Variants in RANBP2 observed in about 807,000 individuals in gnomAD.
The protein encoded by RANBP2 is E3 SUMO-protein ligase RanBP2.
RANBP2 carries 57 observed loss-of-function variants against 303.6 expected under a neutral mutation model. The observed-to-expected ratio is 0.19, with a 90% CI of 0.15 to 0.23. The LOEUF (loss-of-function observed/expected upper bound fraction) is 0.23, where lower values mean the gene tolerates loss of function less well. Ranked by LOEUF, RANBP2 falls within the 10% of genes least tolerant of loss-of-function variation. The pLI is 1.00. For missense variants in RANBP2, 3,138 were observed against 3,780.8 expected (o/e 0.83, Z 4.46); for synonymous variants, 1,167 against 1,301.5 (o/e 0.90, Z 2.23).
chr2:108,909,695 C>G, the RANBP2 span, among the ~76,000 whole-genome samples: 1 of 152,302 alleles, frequency 6.6e-6, no homozygotes, highest in South Asian at 2.1e-4. Context: ...GGACCAAGTC[C>G]AAATGACCAT....
the RANBP2 span, among the ~76,000 whole-genome samples, chr2:108,997,143 A>G: frequency 1.3e-5 from 2 of 152,296 alleles, no homozygotes; most frequent in East Asian, 1.9e-4. Flanking sequence ...GGTCTGAAGC[A>G]TAAGATGTCC....
the RANBP2 span, among the ~76,000 whole-genome samples, chr2:109,261,481 C>T: frequency 3.9e-5 from 6 of 152,110 alleles, no homozygotes; most frequent in African/African-American, 1.2e-4. Flanking sequence ...AGGTGTCAGA[C>T]GTGTGTGAAA....
the RANBP2 span, among the ~76,000 whole-genome samples, chr2:108,824,330 C>G: frequency 4.0e-5 from 6 of 151,862 alleles, no homozygotes. Flanking sequence ...TCTTTATATC[C>G]TGTAAGTTTT....
At chr2:108,817,450 G>A in the RANBP2 span, among the ~76,000 whole-genome samples, 2 of 151,976 alleles carry the variant, frequency 1.3e-5, no homozygotes, top group East Asian at 3.9e-4. Context: ...GTGCCACCAC[G>A]CCCAGCTAAT....
chr2:109,339,311 A>G, the RANBP2 span, among the ~76,000 whole-genome samples: 5 of 152,128 alleles, frequency 3.3e-5, no homozygotes, highest in Admixed American at 3.3e-4. Flanking sequence ...GAAAGTAATG[A>G]CATGAAAAAT....
chr2:108,843,615 A>G, the RANBP2 span, among the ~76,000 whole-genome samples: 1 of 152,054 alleles, frequency 6.6e-6, no homozygotes, highest in Non-Finnish European at 1.5e-5. Context: ...TCTGCCCTCC[A>G]TGGTTTCTGA....
chr2:109,163,230 T>G, the RANBP2 span, among the ~76,000 whole-genome samples: 1 of 152,220 alleles, frequency 6.6e-6, no homozygotes, highest in Middle Eastern at 3.4e-3. Flanking sequence ...CCAGAACTAT[T>G]TTTGGTGTGT....
intron 1 of RANBP2, among the ~76,000 whole-genome samples, chr2:108,728,335 C>A (rs556095175): frequency 6.6e-6 from 1 of 152,186 alleles, no homozygotes; most frequent in South Asian, 2.1e-4. Flanking sequence ...CCTGTGTCAC[C>A]CACGCTGGAG....
At chr2:109,102,662 T>C in the RANBP2 span, among the ~76,000 whole-genome samples, 1 of 152,146 alleles carries the variant, frequency 6.6e-6, no homozygotes, top group Non-Finnish European at 1.5e-5. Flanking sequence ...GCCTATCATC[T>C]GTCAAAACGC....
the RANBP2 span, among the ~76,000 whole-genome samples, chr2:109,314,140 C>T: frequency 6.6e-6 from 1 of 152,102 alleles, no homozygotes; most frequent in Non-Finnish European, 1.5e-5. Context: ...AGTCACCTAA[C>T]TGCAGGTGCC....
the RANBP2 span, among the ~76,000 whole-genome samples, chr2:109,642,574 C>T: frequency 3.3e-5 from 5 of 151,280 alleles, no homozygotes; most frequent in African/African-American, 1.2e-4. Context: ...ACGGTGAAAC[C>T]CCGTCTCTAC....
At chr2:109,491,004 C>A in the RANBP2 span, 1 of 1,356,382 alleles carries the variant, frequency 7.4e-7, no homozygotes, top group Non-Finnish European at 9.6e-7. Flanking sequence ...GAGCCACCTT[C>A]GGGGAGCAGG....
chr2:109,614,358 G>A, the RANBP2 span: 24 of 768,728 alleles, frequency 3.1e-5, no homozygotes, highest in African/African-American at 4.0e-4. Context: ...CGAGTCCTCT[G>A]GCCTCAGACG....
At chr2:109,088,618 T>C in the RANBP2 span, among the ~76,000 whole-genome samples, 1 of 151,924 alleles carries the variant, frequency 6.6e-6, no homozygotes, top group East Asian at 2.0e-4. Flanking sequence ...GGCGTGAGGT[T>C]CTCACGCCTC....
Position 108,765,845 on chromosome 2 carries a change from A to G in RANBP2, c.5306A>G (p.Lys1769Arg). 2 of 1,614,192 alleles carry G rather than the reference A, an allele frequency of 1.2e-6. No homozygotes were observed. Among genetic ancestry groups the G allele is most frequent in the African/African-American group, 1.3e-5 (1 of 75,060 alleles). ...ISTPASSEIS[K>R]APKSGFEGMF... ...ACACCTGCCTCTTCGGAGATAAGCAAGGCTCCAAAGAGTGGATTTGAAGGA... is the reference window on the plus strand; with the variant it reads ...ACACCTGCCTCTTCGGAGATAAGCAGGGCTCCAAAGAGTGGATTTGAAGGA... Residue 1769 changes from lysine (K) to arginine (R), a missense_variant, in exon 20 of 29, where the codon AAG becomes AGG. Lys to Arg is a conservative substitution (Grantham distance 26). Coordinates refer to ENST00000283195, the MANE Select transcript of RANBP2 (RefSeq NM_006267.5).
At chr2:109,585,718 T>C in the RANBP2 span, 1 of 1,597,964 alleles carries the variant, frequency 6.3e-7, no homozygotes, top group Non-Finnish European at 8.6e-7. Flanking sequence ...AGGTGGCACG[T>C]ACCCACACAG....
chr2:109,115,242 C>T, the RANBP2 span, among the ~76,000 whole-genome samples: 148 of 152,180 alleles, frequency 9.7e-4, 1 homozygote, highest in African/African-American at 3.1e-3. Context: ...TTAAAGTCTC[C>T]CATTATTATT....
At chr2:109,592,418 T>C in the RANBP2 span, among the ~76,000 whole-genome samples, 4 of 150,954 alleles carry the variant, frequency 2.6e-5, no homozygotes, top group East Asian at 2.0e-4. Flanking sequence ...TAAGCTGAGA[T>C]TGCACCATCG....
At chr2:109,108,369 A>G in the RANBP2 span, among the ~76,000 whole-genome samples, 1 of 152,172 alleles carries the variant, frequency 6.6e-6, no homozygotes, top group Non-Finnish European at 1.5e-5. Context: ...TCCTTTTCTT[A>G]TCAATTTATA....
Sources: allele counts gnomAD v4.1 joint callset (sites outside exome capture counted in the v4.1 genomes callset), GRCh38; gene constraint gnomAD v4.1.1; transcripts MANE v1.5; gene names NCBI Gene and HGNC (gene_info 2026-07-23, HGNC 2026-07-21).